RALGPS2: variants seen among roughly 807,000 people sequenced by gnomAD.
The protein encoded by RALGPS2 is Ral GEF with PH domain and SH3 binding motif 2, also known as ras-specific guanine nucleotide-releasing factor RalGPS2.
Under a neutral mutation model 86.8 loss-of-function variants are expected in RALGPS2, and 43 were observed. That is an observed-to-expected ratio of 0.50 (90% CI 0.39 to 0.64). The LOEUF is 0.64. Among genes scored for constraint, RALGPS2 ranks in the 30% least tolerant of loss-of-function variants. RALGPS2 has a pLI of 0.00. For missense variants in RALGPS2, 536 were observed against 694.6 expected, an observed-to-expected ratio of 0.77 and a Z score of 2.57; for synonymous variants, 243 against 231.3, an observed-to-expected ratio of 1.05 and a Z score of -0.46.
At chr1:178,883,241 C>G (rs1323439881) in intron 10 of RALGPS2, among the ~76,000 whole-genome samples, 1 of 152,122 alleles carries the variant, frequency 6.6e-6, no homozygotes, top group Non-Finnish European at 1.5e-5. Flanking sequence ...AATCCCAGCA[C>G]TTTGGGAGGC....
intron 1 of RALGPS2, among the ~76,000 whole-genome samples, chr1:178,752,160 G>A (rs1011271012): frequency 3.4e-5 from 5 of 148,658 alleles, no homozygotes; most frequent in Admixed American, 6.7e-5. Context: ...TTCTGAGACA[G>A]GGTGTCACTC....
intron 1 of RALGPS2, among the ~76,000 whole-genome samples, chr1:178,775,416 T>C (rs1031802488): frequency 1.3e-5 from 2 of 152,142 alleles, no homozygotes; most frequent in Non-Finnish European, 2.9e-5. Flanking sequence ...AGTACCTAAT[T>C]TATAGACACT....
At position 178,853,539 on chromosome 1, in the gene RALGPS2, A is replaced by G. The variant is rs1309918161; in HGVS notation, c.607+19989A>G. Reference sequence around the variant, plus strand: ...TATTGCATAGCATCTTGTTTCTTGCATTATTGCAAGAATGGATTTGTTTTA... The same window carrying G: ...TATTGCATAGCATCTTGTTTCTTGCGTTATTGCAAGAATGGATTTGTTTTA... On this transcript the variant is annotated intron_variant, in intron 8 of 19. Transcript: ENST00000367635. The G allele has an allele frequency of 3.0e-6, 4 of 1,345,342 alleles. No homozygotes were observed. The African/African-American group carries it at 4.5e-5, about 15-fold the overall frequency. The allele number at this position is 1,345,342 out of a possible 1,614,324, so 83.3% of individuals were successfully genotyped here. A position where few individuals can be genotyped will look rare whatever the true frequency, so the allele number is the denominator to read the frequency against.
At position 178,749,621 on chromosome 1, in the gene RALGPS2, C is replaced by T. The variant is rs114822052; in HGVS notation, c.-84+24202C>T. On this transcript the variant is annotated intron_variant, in intron 1 of 19. Coordinates refer to ENST00000367635, the MANE Select transcript of RALGPS2 (RefSeq NM_152663.5). ...TTTTGAGGAGTAGTATTTTTCTAAA[C>T]GGAGTAACACTTGGGATTTTGTAAA... Among the ~76,000 whole-genome samples the T allele has an allele frequency of 3.7e-3, 565 of 152,204 alleles. 5 individuals are homozygous for T. The highest frequency in any genetic ancestry group is 0.012 in the African/African-American group (507 of 41,526).
At chr1:178,876,468 C>T (rs1457635402) in intron 8 of RALGPS2, among the ~76,000 whole-genome samples, 3 of 152,076 alleles carry the variant, frequency 2.0e-5, no homozygotes, top group African/African-American at 7.2e-5. Context: ...GAATTCCTTT[C>T]TTGGAATCTG....
chr1:178,746,538 C>A, intron 1 of RALGPS2: 2 of 594,496 alleles, frequency 3.4e-6, no homozygotes, highest in South Asian at 1.7e-5. Flanking sequence ...CCCTGGATGT[C>A]AAGTTTACTT....
At chr1:178,863,403 C>G (rs1415399969) in intron 8 of RALGPS2, among the ~76,000 whole-genome samples, 1 of 152,084 alleles carries the variant, frequency 6.6e-6, no homozygotes, top group Non-Finnish European at 1.5e-5. Context: ...TAAATAACTT[C>G]AGTGTAATAT....
rs574013925 is a variant in RALGPS2 at position 178,839,331 on chromosome 1, A to G, written c.607+5781A>G. 8.5e-5 allele frequency among the ~76,000 whole-genome samples: 13 copies of G among 152,382 alleles called. No individual in the cohort carries two copies. In the East Asian group the frequency reaches 2.3e-3, roughly 27 times the overall value. On this transcript the variant is annotated intron_variant, in intron 8 of 19. Transcript: ENST00000367635. ...CAGATCTCTCTGCAGAAACTCTACA[A>G]GGCAGAAGAGAGTGAGGGCCAATAT...
intron 8 of RALGPS2, among the ~76,000 whole-genome samples, chr1:178,839,985 A>G (rs1656506290): frequency 6.6e-6 from 1 of 152,208 alleles, no homozygotes; most frequent in African/African-American, 2.4e-5. Context: ...ATACAGGAGC[A>G]CCCAGATTCA....
chr1:178,899,504 G>A (rs534778042), intron 17 of RALGPS2, among the ~76,000 whole-genome samples: 13 of 151,594 alleles, frequency 8.6e-5, no homozygotes, highest in East Asian at 1.9e-4. Context: ...AATTTTAATC[G>A]TTTTCAAATA....
At chr1:178,800,233 C>CA (rs1029679904) in intron 4 of RALGPS2, among the ~76,000 whole-genome samples, 9 of 152,160 alleles carry the variant, frequency 5.9e-5, no homozygotes, top group African/African-American at 1.9e-4. Context: ...TCTTTTACAA[C>CA]ATGGACCGTT....
chr1:178,855,608 C>A lies in RALGPS2; in HGVS notation c.608-21890C>A, dbSNP rs551784923. Among the ~76,000 whole-genome samples the A allele has an allele frequency of 2.0e-5, 3 of 151,710 alleles. No homozygotes were observed. The East Asian group carries it at 5.8e-4, about 29-fold the overall frequency. The stretch of plus-strand genomic sequence containing the variant: ...ATTTTAGGTATTGTATTTTTTAGTT[C>A]TAGAGTTGCAATTTGATTTTTTATA... On this transcript the variant is annotated intron_variant, in intron 8 of 19. Transcript: ENST00000367635.
intron 4 of RALGPS2, among the ~76,000 whole-genome samples, chr1:178,788,681 G>A (rs1030673865): frequency 2.6e-5 from 4 of 152,104 alleles, no homozygotes; most frequent in African/African-American, 9.7e-5. Flanking sequence ...TAGGGTGAGG[G>A]CTAGATGGTG....
At chr1:178,851,327 A>G (rs1657160829) in intron 8 of RALGPS2, 1 of 1,600,100 alleles carries the variant, frequency 6.2e-7, no homozygotes, top group Admixed American at 1.7e-5. Flanking sequence ...CTTTGAGGAA[A>G]AAATACAGAT....
At chr1:178,793,835 A>G (rs1236698559) in intron 4 of RALGPS2, among the ~76,000 whole-genome samples, 1 of 152,100 alleles carries the variant, frequency 6.6e-6, no homozygotes, top group Non-Finnish European at 1.5e-5. Context: ...TGACTTTTGT[A>G]AAATAGCATC....
At chr1:178,889,134 A>G (rs559388599) in intron 13 of RALGPS2, among the ~76,000 whole-genome samples, 1 of 151,956 alleles carries the variant, frequency 6.6e-6, no homozygotes, top group Non-Finnish European at 1.5e-5. Flanking sequence ...GCATTTTTAT[A>G]GCACCGGTTT....
In RALGPS2 at chr1:178,775,243, GA is replaced by G. The variant is rs1441690875; in HGVS notation, c.-83-1435del. On this transcript the variant is annotated intron_variant, in intron 1 of 19. Transcript: ENST00000367635. ...TTTATAGATGAGAAAACTGAGTACAGAAAAGTTAAAATTTCCTGGGTTTACA... is the reference window on the plus strand; with the variant it reads ...TTTATAGATGAGAAAACTGAGTACAGAAAGTTAAAATTTCCTGGGTTTACA... Among the ~76,000 whole-genome samples, 6 of 152,186 alleles carry G rather than the reference GA, an allele frequency of 3.9e-5. No individual in the cohort carries two copies. The East Asian group carries it at 1.2e-3, about 29-fold the overall frequency.
intron 1 of RALGPS2, among the ~76,000 whole-genome samples, chr1:178,768,736 G>GTT (rs1652637605): frequency 1.3e-5 from 2 of 152,198 alleles, no homozygotes; most frequent in African/African-American, 4.8e-5. Flanking sequence ...TCCCCCAGTG[G>GTT]CAGGCACAAG....
intron 4 of RALGPS2, 37 bp from the exon 5 acceptor site, chr1:178,808,008 C>T (rs1654818928): frequency 1.5e-6 from 2 of 1,305,732 alleles, no homozygotes; most frequent in South Asian, 2.4e-5. Flanking sequence ...AAAAACTAGG[C>T]TATTACTTAA....
Sources: gnomAD v4.1 joint callset for allele counts (sites outside exome capture counted in the v4.1 genomes callset) on GRCh38, gnomAD v4.1.1 for gene constraint, MANE v1.5 for transcripts, NCBI Gene and HGNC (gene_info 2026-07-23, HGNC 2026-07-21) for gene names.